The following PABPN1L variants were observed in gnomAD, a reference collection of about 807,000 sequenced individuals.
The protein encoded by PABPN1L is embryonic polyadenylate-binding protein 2.
PABPN1L carries 45 observed loss-of-function variants against 34.0 expected under a neutral mutation model. The ratio of observed to expected loss-of-function variants is 1.32; its 90% CI spans 1.04 to 1.70. PABPN1L has a LOEUF of 1.70. PABPN1L is among the 40% of genes most tolerant of loss of function. PABPN1L has a pLI of 0.00. For missense variants in PABPN1L, 459 were observed against 367.8 expected (o/e 1.25, Z -2.03); for synonymous variants, 182 against 152.1 (o/e 1.20, Z -1.45).
chr16:88,864,169 C>T, intron 6 of PABPN1L, 68 bp downstream of exon 6: 1 of 1,484,304 alleles, frequency 6.7e-7, no homozygotes, highest in Non-Finnish European at 9.0e-7. Flanking sequence ...CTCAGGGACC[C>T]CCTCCTGCCC....
At chr16:88,863,696 G>A (rs1309578110) in exon 7 of PABPN1L, 1 of 1,520,472 alleles carries the variant, frequency 6.6e-7, no homozygotes, top group African/African-American at 1.4e-5. Flanking sequence ...CCAGGATGGA[G>A]CACAAGTGGT....
upstream of PABPN1L, chr16:88,866,657 C>T: frequency 6.7e-7 from 1 of 1,481,876 alleles, no homozygotes; most frequent in Non-Finnish European, 9.0e-7. Flanking sequence ...CCTCCACTCC[C>T]CTCGCGTCCG....
chr16:88,863,911 A>G (rs1812073048), intron 6 of PABPN1L, 116 bp from the exon 7 acceptor site: 2 of 1,110,286 alleles, frequency 1.8e-6, no homozygotes, highest in African/African-American at 1.6e-5. Flanking sequence ...TGCTCAGGCA[A>G]TGCCCCAGGG....
rs79834624 is a variant in PABPN1L at position 88,863,916 on chromosome 16, C to T, written c.798-121G>A. ...GTCACCTGGCTGCTCAGGCAATGCC[C>T]CAGGGGCCTTTCTGGTGACTCCCAG... On this transcript the variant is annotated intron_variant, in intron 6 of 6. Transcript: ENST00000419291. 1.7e-3 allele frequency: 1,749 copies of T among 1,059,406 alleles called. 23 individuals carry two copies. In the African/African-American group the frequency reaches 0.022, roughly 13 times the overall value. 65.6% of individuals were successfully genotyped at this position (1,059,406 alleles called of 1,614,324 possible).
At chr16:88,868,812 C>T (rs1317919983), upstream of PABPN1L, among the ~76,000 whole-genome samples, 1 of 152,168 alleles carries the variant, frequency 6.6e-6, no homozygotes, top group Non-Finnish European at 1.5e-5. Context: ...TTACGTAGCC[C>T]CACGCTCAGC....
chr16:88,863,462 G>A, exon 7 of PABPN1L: 2 of 550,764 alleles, frequency 3.6e-6, no homozygotes, highest in South Asian at 2.2e-5. Context: ...GCACTGCCTG[G>A]GACTCTGCTC....
upstream of PABPN1L, chr16:88,866,714 G>C (rs1420293724): frequency 3.2e-5 from 45 of 1,397,186 alleles, no homozygotes; most frequent in Admixed American, 1.4e-4. Context: ...CCTGAGGCCA[G>C]CTGCTCCCAC....
exon 1 of PABPN1L, chr16:88,866,384 C>T (rs1206757482): frequency 1.9e-6 from 3 of 1,550,888 alleles, no homozygotes; most frequent in South Asian, 2.4e-5. Flanking sequence ...GCCAGGTTCT[C>T]TTGCTCCAGC....
At chr16:88,863,895 C>G (rs1968510712) in intron 6 of PABPN1L, 100 bp from the exon 7 acceptor site, 26 of 1,242,326 alleles carry the variant, frequency 2.1e-5, no homozygotes, top group Middle Eastern at 2.6e-4. Flanking sequence ...AGGGAGGTCA[C>G]CTGGCTGCTC....
Position 88,864,865 on chromosome 16 carries a change from G to A in PABPN1L, c.642C>T (p.Gly214=). ...AGCACCGGCGCACCTTGATGACCCG[G>A]CCCCGGAAGAGGCTCTGGTCCAGCT... The change falls in exon 5 of 7, where the codon GGC becomes GGT. Residue 214 remains glycine, a synonymous_variant. Coordinates refer to ENST00000419291, the Ensembl canonical transcript of PABPN1L. 1.9e-6 allele frequency: 3 copies of A among 1,609,338 alleles called. No homozygotes were observed. The South Asian group carries it at 3.3e-5, about 18-fold the overall frequency.
Position 88,865,806 on chromosome 16 carries a change from C to CCA in PABPN1L, c.389_390dup (p.Gly131TrpfsTer64). 6.2e-7 allele frequency: 1 copy of CCA among 1,602,996 alleles called. No individual in the cohort carries two copies. Among genetic ancestry groups the CCA allele is most frequent in the South Asian group, 1.1e-5 (1 of 89,924 alleles). On this transcript the variant is annotated frameshift_variant and splice_region_variant, in exon 2 of 7. Coordinates refer to ENST00000419291, the Ensembl canonical transcript of PABPN1L. LOFTEE classifies it high-confidence loss of function. ...GGCGGCCTGTGCCCTTGGTTCCTAC[C>CCA]CACGGTCTCAGGGCTCAGCAGCTGC...
chr16:88,865,421 T>G (rs1369941598), intron 3 of PABPN1L, 142 bp downstream of exon 3: 1 of 1,034,660 alleles, frequency 9.7e-7, no homozygotes, highest in Non-Finnish European at 1.4e-6. Flanking sequence ...CCCAGGCCAG[T>G]GTTTCCTCAA....
Position 88,864,166 on chromosome 16 carries a change from A to AC in PABPN1L, c.797+70dup, listed in dbSNP as rs1238838232. ...AGCCCCATGAGGAACGAGCTCAGGGACCCCCTCCTGCCCCTGATGCCCTCC... is the reference window on the plus strand; with the variant it reads ...AGCCCCATGAGGAACGAGCTCAGGGACCCCCCTCCTGCCCCTGATGCCCTCC... On this transcript the variant is annotated intron_variant, in intron 6 of 6. Transcript: ENST00000419291. 8 of 1,471,614 alleles carry AC rather than the reference A, an allele frequency of 5.4e-6. No individual in the cohort carries two copies. In the African/African-American group the frequency reaches 5.6e-5, roughly 10 times the overall value. 91.2% of individuals were successfully genotyped at this position (1,471,614 alleles called of 1,614,324 possible). A position where few individuals can be genotyped will look rare whatever the true frequency, so the allele number is the denominator to read the frequency against.
upstream of PABPN1L, chr16:88,866,619 G>A (rs1247531958): frequency 6.6e-6 from 10 of 1,524,990 alleles, no homozygotes; most frequent in Admixed American, 1.6e-4. Flanking sequence ...TAGAGGGGCA[G>A]GAGGAAGGTG....
At chr16:88,864,727 C>T in intron 5 of PABPN1L, 126 bp downstream of exon 5, 1 of 1,122,220 alleles carries the variant, frequency 8.9e-7, no homozygotes, top group Non-Finnish European at 1.3e-6. Flanking sequence ...CTGTCCAGGC[C>T]CAGCCAAGCA....
intron 6 of PABPN1L, among the ~76,000 whole-genome samples, 173 bp downstream of exon 6, chr16:88,864,064 G>T (rs1179062405): frequency 6.6e-6 from 1 of 151,260 alleles, no homozygotes; most frequent in Admixed American, 6.5e-5. Flanking sequence ...CAGCAGAGAG[G>T]CTACAAAAAG....
At chr16:88,867,668 C>T (rs936496944), upstream of PABPN1L, among the ~76,000 whole-genome samples, 3 of 152,066 alleles carry the variant, frequency 2.0e-5, no homozygotes, top group African/African-American at 2.4e-5. Flanking sequence ...GTTACTGTGG[C>T]GGAATTCAGT....
exon 7 of PABPN1L, chr16:88,863,705 G>A (rs773793378): frequency 6.5e-7 from 1 of 1,529,744 alleles, no homozygotes; most frequent in South Asian, 1.2e-5. Context: ...AGCACAAGTG[G>A]TTTACTCCTG....
At chr16:88,865,298 T>C (rs2143020119) in intron 3 of PABPN1L, among the ~76,000 whole-genome samples, 170 bp from the exon 4 acceptor site, 1 of 150,982 alleles carries the variant, frequency 6.6e-6, no homozygotes, top group African/African-American at 2.4e-5. Flanking sequence ...AAAGGATATC[T>C]CGTATGGAGC....
Sources: gnomAD v4.1 joint callset for allele counts (sites outside exome capture counted in the v4.1 genomes callset) on GRCh38, gnomAD v4.1.1 for gene constraint, MANE v1.5 for transcripts, NCBI Gene and HGNC (gene_info 2026-07-23, HGNC 2026-07-21) for gene names.